The following NCAPH variants were observed in gnomAD, a reference collection of about 807,000 sequenced individuals.
NCAPH encodes the protein non-SMC condensin I complex subunit H, also known as condensin complex subunit 2.
A neutral mutation model predicts 85.5 loss-of-function variants in NCAPH; 38 were observed. The observed-to-expected ratio is 0.44, with a 90% CI of 0.34 to 0.58. The LOEUF (loss-of-function observed/expected upper bound fraction) is 0.58. Ranked by LOEUF, NCAPH falls within the 20% of genes least tolerant of loss-of-function variation. The pLI is 0.01. For missense variants in NCAPH, 789 were observed against 916.6 expected, an observed-to-expected ratio of 0.86 and a Z score of 1.80; for synonymous variants, 301 against 335.1, an observed-to-expected ratio of 0.90 and a Z score of 1.11.
chr2:96,335,910 G>C, intron 1 of NCAPH, 62 bp downstream of exon 1: 1 of 1,407,650 alleles, frequency 7.1e-7, no homozygotes, highest in Non-Finnish European at 9.3e-7. Flanking sequence ...ACTTCGGGCG[G>C]GCAGGGCTGG....
intron 10 of NCAPH, 67 bp downstream of exon 10, chr2:96,359,260 C>T: frequency 1.3e-6 from 2 of 1,573,378 alleles, no homozygotes; most frequent in Middle Eastern, 3.4e-4. Flanking sequence ...CAGCAGTTAG[C>T]CAAGGAAAAG....
chr2:96,348,803 C>A (rs969997854), intron 6 of NCAPH, among the ~76,000 whole-genome samples: 1 of 152,074 alleles, frequency 6.6e-6, no homozygotes, highest in Non-Finnish European at 1.5e-5. Flanking sequence ...CGCACCACCA[C>A]GCCCAGCTAA....
At chr2:96,369,381 C>T (rs1228642792) in intron 16 of NCAPH, 44 bp from the exon 17 acceptor site, 5 of 1,526,952 alleles carry the variant, frequency 3.3e-6, no homozygotes, top group African/African-American at 1.4e-5. Context: ...AGCTTTTGTT[C>T]TAACAGTTGG....
chr2:96,375,209 TAAAC>T lies in NCAPH; in HGVS notation c.*1862_*1865del, dbSNP rs1222334263. Among the ~76,000 whole-genome samples the T allele has an allele frequency of 1.1e-4, 17 of 150,396 alleles. No individual in the cohort carries two copies. The highest frequency in any genetic ancestry group is 1.0e-3 in the South Asian group (5 of 4,788). The stretch of plus-strand genomic sequence containing the variant: ...GACAACAGAGTGAGATCCTATCTCT[TAAAC>T]AAAAAAAAAAACTGGCGAGTTCAAT... On this transcript the variant is annotated 3_prime_UTR_variant, in exon 18 of 18. Transcript: ENST00000240423.
At position 96,343,305 on chromosome 2, in the gene NCAPH, G is replaced by T. The variant is rs769924253; in HGVS notation, c.595+1G>T. 1 of 1,611,854 alleles carries T rather than the reference G, an allele frequency of 6.2e-7. No homozygotes were observed. The highest frequency in any genetic ancestry group is 1.7e-5 in the Admixed American group (1 of 59,660). ...GAAGAAGTAGAAGGCCATGTTGCTG[G>T]TAGGTGGGTAGGGATCTGGATTTAA... On this transcript the variant is annotated splice_donor_variant, in intron 5 of 17. Coordinates refer to ENST00000240423, the MANE Select transcript of NCAPH (RefSeq NM_015341.5). LOFTEE classifies it high-confidence loss of function.
At chr2:96,367,799 A>G (rs1320340204) in intron 15 of NCAPH, among the ~76,000 whole-genome samples, 3 of 152,248 alleles carry the variant, frequency 2.0e-5, no homozygotes, top group African/African-American at 7.2e-5. Context: ...GTAATCAAAA[A>G]AGACAAATGA....
chr2:96,346,136 C>A (rs2064358043), intron 6 of NCAPH, among the ~76,000 whole-genome samples: 1 of 152,110 alleles, frequency 6.6e-6, no homozygotes. Context: ...GAATGGACAG[C>A]ACAGGTTGGG....
At position 96,374,251 on chromosome 2, in the gene NCAPH, G is replaced by T. The variant is rs985718434; in HGVS notation, c.*900G>T. Among the ~76,000 whole-genome samples, 2 of 152,232 alleles carry T rather than the reference G, an allele frequency of 1.3e-5. No individual in the cohort carries two copies. Among genetic ancestry groups the T allele is most frequent in the Non-Finnish European group, 2.9e-5 (2 of 68,040 alleles). On this transcript the variant is annotated 3_prime_UTR_variant, in exon 18 of 18. Transcript: ENST00000240423. ...GCCTGGCAATCTGCCTCCAGAGTCTGCTCTCGGCCATTGTGCTATGTGCTA... is the reference window on the plus strand; with the variant it reads ...GCCTGGCAATCTGCCTCCAGAGTCTTCTCTCGGCCATTGTGCTATGTGCTA...
At chr2:96,365,351 A>T (rs534888550) in intron 13 of NCAPH, among the ~76,000 whole-genome samples, 1 of 152,236 alleles carries the variant, frequency 6.6e-6, no homozygotes, top group South Asian at 2.1e-4. Context: ...CTTACATACA[A>T]ATCACCCAGG....
In NCAPH at chr2:96,375,463, G is replaced by A. The variant is rs2064822361; in HGVS notation, c.*2112G>A. Among the ~76,000 whole-genome samples, 1 of 152,184 alleles carries A rather than the reference G, an allele frequency of 6.6e-6. No homozygotes were observed. Among genetic ancestry groups the A allele is most frequent in the Non-Finnish European group, 1.5e-5 (1 of 68,038 alleles). ...TTATAAAAGAGGCCTGAGGAAGCTT[G>A]TTCGTTCCTCTTGCCCTTCTGCCAT... is the stretch of plus-strand genomic sequence containing the variant. On this transcript the variant is annotated 3_prime_UTR_variant, in exon 18 of 18. Coordinates refer to ENST00000240423, the MANE Select transcript of NCAPH (RefSeq NM_015341.5).
intron 7 of NCAPH, among the ~76,000 whole-genome samples, chr2:96,352,737 A>G (rs1238688956): frequency 6.6e-6 from 1 of 152,138 alleles, no homozygotes; most frequent in Admixed American, 6.5e-5. Flanking sequence ...TGTTGAATGA[A>G]ATTAATACTT....
intron 9 of NCAPH, 45 bp downstream of exon 9, chr2:96,354,433 T>G (rs761861020): frequency 7.4e-7 from 1 of 1,356,146 alleles, no homozygotes; most frequent in Non-Finnish European, 9.7e-7. Context: ...GAGTTTTCCA[T>G]TGGTTCTTTT....
At chr2:96,343,944 C>T (rs533705917) in intron 5 of NCAPH, among the ~76,000 whole-genome samples, 161 bp from the exon 6 acceptor site, 3 of 152,224 alleles carry the variant, frequency 2.0e-5, no homozygotes, top group East Asian at 1.9e-4. Context: ...TCAAGTGATC[C>T]GTCTGCCTCA....
rs139287054 is a variant in NCAPH at position 96,341,748 on chromosome 2, G to A, written c.126G>A (p.Ala42=). 126 of 1,614,032 alleles carry A rather than the reference G, an allele frequency of 7.8e-5. No individual in the cohort carries two copies. The highest frequency in any genetic ancestry group is 4.4e-4 in the African/African-American group (33 of 74,912). Residue 42 remains alanine (A), a synonymous_variant, in exon 2 of 18, where the codon GCG becomes GCA. Coordinates refer to ENST00000240423, the MANE Select transcript of NCAPH (RefSeq NM_015341.5). ...RVFPMPLPRK[A]PLNIPGTPVL... ...TCCCGATGCCCCTGCCCAGGAAGGC[G>A]CCTCTCAATATTCCTGGCACCCCAG...
rs2104402956 is a variant in NCAPH at position 96,335,843 on chromosome 2, G to A, written c.14G>A (p.Gly5Asp). 2 of 1,491,868 alleles carry A rather than the reference G, an allele frequency of 1.3e-6. No individual in the cohort carries two copies. The highest frequency in any genetic ancestry group is 1.5e-5 in the African/African-American group (1 of 67,940). 92.4% of individuals were successfully genotyped at this position (1,491,868 alleles called of 1,614,324 possible). A position where few individuals can be genotyped will look rare whatever the true frequency, so the allele number is the denominator to read the frequency against. ...CGCCAAGGAAAGATGGGACCTCCCG[G>A]CCCAGGTGAGCCGGGCGGTCGGGAG... MGPP[G>D]PALPATMNNS... The change falls in exon 1 of 18, where the codon GGC becomes GAC. Residue 5 changes from glycine (G) to aspartate (D), a missense_variant. Physicochemically the swap from Gly to Asp is moderately conservative, Grantham distance 94. Coordinates refer to ENST00000240423, the MANE Select transcript of NCAPH (RefSeq NM_015341.5).
chr2:96,352,157 G>T, intron 7 of NCAPH, 137 bp downstream of exon 7: 2 of 885,804 alleles, frequency 2.3e-6, no homozygotes, highest in East Asian at 5.2e-5. Flanking sequence ...ATGCCAAATT[G>T]TGTATCCTTT....
intron 6 of NCAPH, among the ~76,000 whole-genome samples, chr2:96,350,430 C>G (rs1489441734): frequency 1.3e-5 from 2 of 152,008 alleles, no homozygotes; most frequent in Admixed American, 1.3e-4. Flanking sequence ...AGGTGGGAAA[C>G]CATTACTCTG....
At chr2:96,353,573 C>T (rs774642037) in intron 8 of NCAPH, among the ~76,000 whole-genome samples, 176 bp downstream of exon 8, 2 of 152,160 alleles carry the variant, frequency 1.3e-5, no homozygotes, top group South Asian at 2.1e-4. Context: ...TTGTGAACCC[C>T]AGCAGGACTA....
In NCAPH at chr2:96,344,722, A is replaced by G. The variant is rs572730190; in HGVS notation, c.720+493A>G. On this transcript the variant is annotated intron_variant, in intron 6 of 17. Transcript: ENST00000240423. The stretch of plus-strand genomic sequence containing the variant: ...AACTCCAGAATCCTAGCTTTAAATC[A>G]TCTATCTAGCAAATCCTAAGGAATC... Among the ~76,000 whole-genome samples, 85 of 152,358 alleles carry G rather than the reference A, an allele frequency of 5.6e-4. 1 individual carries two copies. The highest frequency in any genetic ancestry group is 2.5e-3 in the South Asian group (12 of 4,832).
Sources: gnomAD v4.1 joint callset for allele counts (sites outside exome capture counted in the v4.1 genomes callset) on GRCh38, gnomAD v4.1.1 for gene constraint, MANE v1.5 for transcripts, NCBI Gene and HGNC (gene_info 2026-07-23, HGNC 2026-07-21) for gene names.